ZNF562: variants seen among roughly 807,000 people sequenced by gnomAD.
ZNF562 encodes zinc finger protein 562.
A neutral mutation model predicts 17.5 loss-of-function variants in ZNF562; 13 were observed. The observed-to-expected ratio is 0.74, with a 90% CI of 0.48 to 1.18. The LOEUF is 1.18. Among genes scored for constraint, ZNF562 ranks in the 50% most tolerant of loss-of-function variants. The probability of loss-of-function intolerance (pLI) is 0.00; values close to 1 mark genes in which losing one functional copy is unlikely to be tolerated. For synonymous variants in ZNF562, 163 were observed against 165.4 expected, an observed-to-expected ratio of 0.99 and a Z score of 0.11; for missense variants, 481 against 498.5, an observed-to-expected ratio of 0.96 and a Z score of 0.33.
In ZNF562 at chr19:9,658,076, C is replaced by T. The variant is rs779071603; in HGVS notation, c.174G>A (p.Leu58=). 6.8e-6 allele frequency: 11 copies of T among 1,613,794 alleles called. No individual in the cohort carries two copies. The highest frequency in any genetic ancestry group is 1.1e-5 in the South Asian group (1 of 91,054). ...TGTAGAGGTATTTCTGAGTTGTGTCCAGTAAAGCCCACTCCTCTGGGGTGA... is the reference window on the plus strand; with the variant it reads ...TGTAGAGGTATTTCTGAGTTGTGTCTAGTAAAGCCCACTCCTCTGGGGTGA... ...VEFTPEEWAL[L]DTTQKYLYRD... is the part of the protein sequence containing the mutation. The change falls in exon 4 of 6, where the codon CTG becomes CTA. Residue 58 remains leucine, a synonymous_variant. Coordinates refer to ENST00000453372, the MANE Select transcript of ZNF562 (RefSeq NM_001130031.2).
rs2074815748 is a variant in ZNF562, at chr19:9,647,407, A to T, written c.*5542T>A. 2 of 151,644 alleles carry T rather than the reference A, an allele frequency of 1.3e-5. No individual in the cohort carries two copies. The highest frequency in any genetic ancestry group is 6.6e-5 in the Admixed American group (1 of 15,208). 9.4% of individuals were successfully genotyped at this position (151,644 alleles called of 1,614,324 possible). On this transcript the variant is annotated 3_prime_UTR_variant, in exon 6 of 6. Transcript: ENST00000453372. ...ATAACTGTTTTATTTATTTATTTTTATTTTTTTGGAGATATGGGGTCTGTG... is the reference window on the plus strand; with the variant it reads ...ATAACTGTTTTATTTATTTATTTTTTTTTTTTTGGAGATATGGGGTCTGTG...
chr19:9,658,264 G>T (rs927751159), intron 3 of ZNF562, 129 bp from the exon 4 acceptor site: 2 of 1,364,312 alleles, frequency 1.5e-6, no homozygotes, highest in South Asian at 2.1e-5. Flanking sequence ...CTACTCCAGG[G>T]TTTAATGTCT....
At position 9,653,651 on chromosome 19, in the gene ZNF562, C is replaced by T. The variant is rs200821558; in HGVS notation, c.579G>A (p.Val193=). The change falls in exon 6 of 6, where the codon GTG becomes GTA. Residue 193 remains valine, a synonymous_variant. Coordinates refer to ENST00000453372, the MANE Select transcript of ZNF562 (RefSeq NM_001130031.2). ...KVFTLTPGLA[V]HLEILNGRQP... ...GTCTTCCATTGAGAATTTCAAGATG[C>T]ACAGCAAGGCCTGGAGTTAAGGTGA... The T allele has an allele frequency of 7.2e-5, 116 of 1,613,876 alleles. No individual in the cohort carries two copies. The highest frequency in any genetic ancestry group is 1.0e-4 in the Admixed American group (6 of 59,988).
rs1465154682 is a variant in ZNF562 at position 9,646,543 on chromosome 19, G to A, written c.*6406C>T. 4.6e-5 allele frequency: 7 copies of A among 151,530 alleles called. No homozygotes were observed. The highest frequency in any genetic ancestry group is 2.6e-4 in the Admixed American group (4 of 15,212). The allele number at this position is 151,530 out of a possible 1,614,324, so 9.4% of individuals were successfully genotyped here. On this transcript the variant is annotated 3_prime_UTR_variant, in exon 6 of 6. Transcript: ENST00000453372. Reference sequence around the variant, plus strand: ...AAGAAATAGTGTAGATTTTTCAAGCGAAATATCTGAAAGAATTCATAAACC... The same window carrying A: ...AAGAAATAGTGTAGATTTTTCAAGCAAAATATCTGAAAGAATTCATAAACC...
chr19:9,659,263 G>A, intron 3 of ZNF562, 116 bp downstream of exon 3: 1 of 922,742 alleles, frequency 1.1e-6, no homozygotes, highest in Non-Finnish European at 1.6e-6. Context: ...TTCAGTCCTT[G>A]AGTAAGGCTT....
rs1412235194 is a variant in ZNF562, at chr19:9,643,746, T to G, written c.*9203A>C. The G allele has an allele frequency of 6.6e-6, 1 of 152,072 alleles. No individual in the cohort carries two copies. Among genetic ancestry groups the G allele is most frequent in the Non-Finnish European group, 1.5e-5 (1 of 68,006 alleles). The allele number at this position is 152,072 out of a possible 1,614,324, so 9.4% of individuals were successfully genotyped here. A position where few individuals can be genotyped will look rare whatever the true frequency, so the allele number is the denominator to read the frequency against. On this transcript the variant is annotated 3_prime_UTR_variant, in exon 6 of 6. Coordinates refer to ENST00000453372, the MANE Select transcript of ZNF562 (RefSeq NM_001130031.2). ...CGAACTCCTGAGCTCAAGTAATCCT[T>G]TTGCCTCCTTTCAAAGTGTTGAGAC...
At position 9,653,330 on chromosome 19, in the gene ZNF562, G is replaced by A; in HGVS notation, c.900C>T (p.Ser300=). The A allele has an allele frequency of 3.7e-6, 6 of 1,613,954 alleles. No homozygotes were observed. The highest frequency in any genetic ancestry group is 5.1e-6 in the Non-Finnish European group (6 of 1,179,952). ...TTTGAATGTGAACATTAAAGGATGA[G>A]GAATTTCTAAAGGATCTTCCACATT... ...CKECGRSFRN[S]SSFNVHIQIH... is the part of the protein sequence containing the mutation. Residue 300 remains serine (S), a synonymous_variant, in exon 6 of 6, where the codon TCC becomes TCT. Transcript: ENST00000453372.
In ZNF562 at chr19:9,653,893, A is replaced by T. The variant is rs777345415; in HGVS notation, c.349-12T>A. On this transcript the variant is annotated splice_polypyrimidine_tract_variant and intron_variant, in intron 5 of 5. Transcript: ENST00000453372. The stretch of plus-strand genomic sequence containing the variant: ...TAGCTTCTTGTCTGCTGATGAGGGG[A>T]TAAAGGATTTAAAATGTTTTCAGAC... 2.6e-6 allele frequency: 4 copies of T among 1,520,828 alleles called. No individual in the cohort carries two copies. In the East Asian group the frequency reaches 9.1e-5, roughly 34 times the overall value. The allele number at this position is 1,520,828 out of a possible 1,614,324, so 94.2% of individuals were successfully genotyped here. A position where few individuals can be genotyped will look rare whatever the true frequency, so the allele number is the denominator to read the frequency against.
intron 3 of ZNF562, among the ~76,000 whole-genome samples, chr19:9,659,176 C>A (rs1279465037): frequency 6.6e-6 from 1 of 152,212 alleles, no homozygotes; most frequent in African/African-American, 2.4e-5. Context: ...GTAGTAATTA[C>A]CGAGCTACTG....
Position 9,646,531 on chromosome 19 carries a change from G to C in ZNF562, c.*6418C>G, listed in dbSNP as rs185871780. On this transcript the variant is annotated 3_prime_UTR_variant, in exon 6 of 6. Transcript: ENST00000453372. ...CAGAAAACATGCAAGAAATAGTGTA[G>C]ATTTTTCAAGCGAAATATCTGAAAG... 23 of 152,206 alleles carry C rather than the reference G, an allele frequency of 1.5e-4. No individual in the cohort carries two copies. Among genetic ancestry groups the C allele is most frequent in the African/African-American group, 5.1e-4 (21 of 41,526 alleles). The allele number at this position is 152,206 out of a possible 1,614,324, so 9.4% of individuals were successfully genotyped here.
At chr19:9,663,248 CAAAA>C (rs59452070) in intron 1 of ZNF562, among the ~76,000 whole-genome samples, 1 of 129,916 alleles carries the variant, frequency 7.7e-6, no homozygotes, top group Non-Finnish European at 1.6e-5. Context: ...ACTAAAAATA[CAAAA>C]AAAAAAAAAA....
In ZNF562 at chr19:9,648,325, C is replaced by T. The variant is rs558843686; in HGVS notation, c.*4624G>A. On this transcript the variant is annotated 3_prime_UTR_variant, in exon 6 of 6. Coordinates refer to ENST00000453372, the MANE Select transcript of ZNF562 (RefSeq NM_001130031.2). ...TTTAATTTAATTTATTTATTTTTGA[C>T]AGAGTCGCACCCTGTCACCCAGCAT... The T allele has an allele frequency of 4.2e-4, 64 of 152,274 alleles. No homozygotes were observed. The highest frequency in any genetic ancestry group is 1.5e-3 in the African/African-American group (62 of 41,554). The allele number at this position is 152,274 out of a possible 1,614,324, so 9.4% of individuals were successfully genotyped here. A position where few individuals can be genotyped will look rare whatever the true frequency, so the allele number is the denominator to read the frequency against.
At chr19:9,673,746 A>G (rs890410494) in intron 1 of ZNF562, among the ~76,000 whole-genome samples, 1 of 152,146 alleles carries the variant, frequency 6.6e-6, no homozygotes, top group African/African-American at 2.4e-5. Flanking sequence ...TGTTTTTTCC[A>G]TCTGAATGTA....
chr19:9,665,883 G>A (rs965437466), intron 1 of ZNF562, among the ~76,000 whole-genome samples: 1 of 151,880 alleles, frequency 6.6e-6, no homozygotes, highest in African/African-American at 2.4e-5. Flanking sequence ...AGGTGTGATG[G>A]CGTGCACCTC....
In ZNF562 at chr19:9,669,717, A is replaced by AGCGC. The variant is rs3074896; in HGVS notation, c.-131+5294_-131+5297dup. Among the ~76,000 whole-genome samples, 240 of 98,954 alleles carry AGCGC rather than the reference A, an allele frequency of 2.4e-3. 2 individuals are homozygous for AGCGC. The highest frequency in any genetic ancestry group is 5.5e-3 in the Middle Eastern group (1 of 182). 64.9% of individuals were successfully genotyped at this position (98,954 alleles called of 152,430 possible). ...AGACCTGTCTGCATGCACGCGCGCG[A>AGCGC]GCGCGCGCGCGCGCGCGCACACACA... On this transcript the variant is annotated intron_variant, in intron 1 of 5. Transcript: ENST00000453372.
In ZNF562 at chr19:9,666,281, C is replaced by A. The variant is rs2043952783; in HGVS notation, c.-130-5407G>T. 2.0e-5 allele frequency among the ~76,000 whole-genome samples: 3 copies of A among 148,624 alleles called. No homozygotes were observed. The South Asian group carries it at 6.3e-4, about 31-fold the overall frequency. On this transcript the variant is annotated intron_variant, in intron 1 of 5. Coordinates refer to ENST00000453372, the MANE Select transcript of ZNF562 (RefSeq NM_001130031.2). Reference sequence around the variant, plus strand: ...GAGGTTGTGGTGAGCCGAGATCGCACTATTGCACTCCAGCCTGGGCAACAA... The same window carrying A: ...GAGGTTGTGGTGAGCCGAGATCGCAATATTGCACTCCAGCCTGGGCAACAA...
intron 1 of ZNF562, among the ~76,000 whole-genome samples, chr19:9,667,751 A>C (rs1456263578): frequency 6.6e-6 from 1 of 151,194 alleles, no homozygotes; most frequent in Admixed American, 6.6e-5. Flanking sequence ...TGACAATGCT[A>C]ACTTTTTTTT....
chr19:9,674,795 A>T (rs1033586796), intron 1 of ZNF562: 2 of 152,300 alleles, frequency 1.3e-5, no homozygotes, highest in African/African-American at 4.8e-5. Context: ...AAAGTACTCA[A>T]GAAAACACCC....
At position 9,653,006 on chromosome 19, in the gene ZNF562, G is replaced by A. The variant is rs1227095485; in HGVS notation, c.1224C>T (p.Thr408=). The change falls in exon 6 of 6, where the codon ACC becomes ACT. Residue 408 remains threonine (T), a synonymous_variant. Coordinates refer to ENST00000453372, the MANE Select transcript of ZNF562 (RefSeq NM_001130031.2). The part of the protein sequence containing the change: ...KPYECVECGK[T]FITSSHRSKH... Reference sequence around the variant, plus strand: ...TACTACGATGGGAAGAAGTAATGAAGGTCTTCCCACATTCAACACATTCAT... The same window carrying A: ...TACTACGATGGGAAGAAGTAATGAAAGTCTTCCCACATTCAACACATTCAT... The A allele has an allele frequency of 1.3e-6, 2 of 1,539,162 alleles. No individual in the cohort carries two copies. Among genetic ancestry groups the A allele is most frequent in the Non-Finnish European group, 1.7e-6 (2 of 1,144,550 alleles).
Sources: allele counts gnomAD v4.1 joint callset (sites outside exome capture counted in the v4.1 genomes callset), GRCh38; gene constraint gnomAD v4.1.1; transcripts MANE v1.5; gene names NCBI Gene and HGNC (gene_info 2026-07-23, HGNC 2026-07-21).